Variants in BBS10 observed in about 807,000 individuals in gnomAD.
BBS10 encodes BBSome complex assembly protein BBS10.
BBS10 carries 13 observed loss-of-function variants against 12.7 expected under a neutral mutation model. That is an observed-to-expected ratio of 1.03 (90% CI 0.67 to 1.63). BBS10 has a LOEUF of 1.63. Among genes scored for constraint, BBS10 ranks in the 40% most tolerant of loss-of-function variants. The probability of loss-of-function intolerance (pLI) is 0.00; values close to 1 mark genes in which losing one functional copy is unlikely to be tolerated. For synonymous variants in BBS10, 294 were observed against 304.8 expected (o/e 0.96, Z 0.37); for missense variants, 858 against 858.0 (o/e 1.00, Z 0.00).
In BBS10 at chr12:76,348,216, C is replaced by T; in HGVS notation, c.143G>A (p.Ser48Asn). Reference sequence around the variant, plus strand: ...CTCCAGGAGGCGGCCTCCATTCCGGCTGAGAAGCACCTCGCCAGTGGGCTT... The same window carrying T: ...CTCCAGGAGGCGGCCTCCATTCCGGTTGAGAAGCACCTCGCCAGTGGGCTT... ...CTKPTGEVLLSRNGGRLLEAL... is the reference protein window; with the variant it reads ...CTKPTGEVLLNRNGGRLLEAL... The change falls in exon 1 of 2, where the codon AGC becomes AAC. Residue 48 changes from serine to asparagine, a missense_variant. Coordinates refer to ENST00000650064, the MANE Select transcript of BBS10 (RefSeq NM_024685.4). 1 of 1,613,690 alleles carries T rather than the reference C, an allele frequency of 6.2e-7. No individual in the cohort carries two copies. The highest frequency in any genetic ancestry group is 8.5e-7 in the Non-Finnish European group (1 of 1,179,650).
At position 76,347,375 on chromosome 12, in the gene BBS10, A is replaced by T. The variant is rs1592492542; in HGVS notation, c.610T>A (p.Cys204Ser). The T allele has an allele frequency of 6.2e-7, 1 of 1,614,086 alleles. No homozygotes were observed. Among genetic ancestry groups the T allele is most frequent in the Non-Finnish European group, 8.5e-7 (1 of 1,180,022 alleles). ...TCAAATACACCAATCCCACTTTTAC[A>T]AGTCATACACTTGAAAAAGTAGTCA... ...MCDYFFKCMTCKSGIGVFELV... is the reference protein window; with the variant it reads ...MCDYFFKCMTSKSGIGVFELV... Residue 204 changes from cysteine (C) to serine (S), a missense_variant, in exon 2 of 2, where the codon TGT becomes AGT. Coordinates refer to ENST00000650064, the MANE Select transcript of BBS10 (RefSeq NM_024685.4).
At position 76,347,303 on chromosome 12, in the gene BBS10, G is replaced by A. The variant is rs2136090935; in HGVS notation, c.682C>T (p.Leu228Phe). 1.2e-6 allele frequency: 2 copies of A among 1,613,928 alleles called. No individual in the cohort carries two copies. Among genetic ancestry groups the A allele is most frequent in the East Asian group, 4.5e-5 (2 of 44,866 alleles). ...ATGATCCTGGAATCTGAAACAGGAA[G>A]GCCAGTGACACCAACATTCAACTCT... Reference protein sequence around the residue: ...FVELNVGVTGLPVSDSRIIAG... With the variant: ...FVELNVGVTGFPVSDSRIIAG... Residue 228 changes from leucine to phenylalanine, a missense_variant, in exon 2 of 2, where the codon CTT (leucine) becomes TTT (phenylalanine). Leu to Phe is a conservative substitution (Grantham distance 22, BLOSUM62 0). Coordinates refer to ENST00000650064, the MANE Select transcript of BBS10 (RefSeq NM_024685.4).
In BBS10 at chr12:76,346,865, G is replaced by A; in HGVS notation, c.1120C>T (p.Leu374Phe). The change falls in exon 2 of 2, where the codon CTT (leucine) becomes TTT (phenylalanine). Residue 374 changes from leucine (L) to phenylalanine (F), a missense_variant. Transcript: ENST00000650064. ...NTALVKFCKP[L>F]ILRSKRYVHL... ...ACATATCTTTTGGATCTAAGGATAAGAGGTTTACAAAATTTCACCAAAGCA... is the reference window on the plus strand; with the variant it reads ...ACATATCTTTTGGATCTAAGGATAAAAGGTTTACAAAATTTCACCAAAGCA... 1 of 1,613,876 alleles carries A rather than the reference G, an allele frequency of 6.2e-7. No homozygotes were observed. Among genetic ancestry groups the A allele is most frequent in the Non-Finnish European group, 8.5e-7 (1 of 1,179,982 alleles).
rs1443052943 is a variant in BBS10, at chr12:76,346,506, C to T, written c.1479G>A (p.Leu493=). The T allele has an allele frequency of 6.2e-7, 1 of 1,613,792 alleles. No individual in the cohort carries two copies. Among genetic ancestry groups the T allele is most frequent in the Non-Finnish European group, 8.5e-7 (1 of 1,179,752 alleles). ...TTTCTAATTCTACATCTGGAATTAC[C>T]AAATTAGAATGTACTTTTAAATATG... ...TQTYLKVHSN[L]VIPDVELETY... The change falls in exon 2 of 2, where the codon TTG becomes TTA. Residue 493 remains leucine, a synonymous_variant. Coordinates refer to ENST00000650064, the MANE Select transcript of BBS10 (RefSeq NM_024685.4).
Position 76,346,587 on chromosome 12 carries a change from T to C in BBS10, c.1398A>G (p.Gln466=), listed in dbSNP as rs1217617846. 6.2e-7 allele frequency: 1 copy of C among 1,614,168 alleles called. No homozygotes were observed. Among genetic ancestry groups the C allele is most frequent in the South Asian group, 1.1e-5 (1 of 91,082 alleles). The part of the protein sequence containing the change: ...QAPDPGNGSI[Q]RPYQDTVAEN... ...CTGCAACTGTGTCCTGATAAGGCCT[T>C]TGTATTGAGCCATTACCAGGATCTG... The change falls in exon 2 of 2, where the codon CAA becomes CAG. Residue 466 remains glutamine (Q), a synonymous_variant. Transcript: ENST00000650064.
chr12:76,347,668 T>C lies in BBS10; in HGVS notation c.317A>G (p.Asp106Gly), dbSNP rs113821285. ...GLHAITDREK[D>G]PLMCENIQTH... ...TTGAATGTTTTCACACATCAAAGGA[T>C]CCTTTTCTCTGTCTGTGATTGCATG... The change falls in exon 2 of 2, where the codon GAT becomes GGT. Residue 106 changes from aspartate to glycine, a missense_variant. Asp to Gly is a moderately conservative substitution (Grantham distance 94). Transcript: ENST00000650064. 6.2e-7 allele frequency: 1 copy of C among 1,613,526 alleles called. No individual in the cohort carries two copies. Among genetic ancestry groups the C allele is most frequent in the African/African-American group, 1.3e-5 (1 of 75,000 alleles).
Position 76,348,333 on chromosome 12 carries a change from C to A in BBS10, c.26G>T (p.Gly9Val). The change falls in exon 1 of 2, where the codon GGG becomes GTG. Residue 9 changes from glycine (G) to valine (V), a missense_variant. By Grantham distance (109) the Gly-to-Val change is moderately radical. Coordinates refer to ENST00000650064, the MANE Select transcript of BBS10 (RefSeq NM_024685.4). ...CACCTGCAACGCCGCCTTCACAGACCCTGCAGCGGCCATAGAACTTAACAT... is the reference window on the plus strand; with the variant it reads ...CACCTGCAACGCCGCCTTCACAGACACTGCAGCGGCCATAGAACTTAACAT... MLSSMAAA[G>V]SVKAALQVAE... The A allele has an allele frequency of 6.2e-7, 1 of 1,602,866 alleles. No individual in the cohort carries two copies. Among genetic ancestry groups the A allele is most frequent in the Middle Eastern group, 1.7e-4 (1 of 6,014 alleles).
At position 76,347,733 on chromosome 12, in the gene BBS10, T is replaced by C. The variant is rs1221870583; in HGVS notation, c.252A>G (p.Lys84=). ...SHLKKTGDGA[K]TFIIFLCHLL... ...AATGGCAAAGAAAGATAATAAATGTTTTTGCACCATCTCCTGTTTTTTTGA... is the reference window on the plus strand; with the variant it reads ...AATGGCAAAGAAAGATAATAAATGTCTTTGCACCATCTCCTGTTTTTTTGA... Residue 84 remains lysine, a synonymous_variant, in exon 2 of 2, where the codon AAA becomes AAG. Coordinates refer to ENST00000650064, the MANE Select transcript of BBS10 (RefSeq NM_024685.4). The C allele has an allele frequency of 8.7e-6, 14 of 1,607,454 alleles. No homozygotes were observed. Among genetic ancestry groups the C allele is most frequent in the Non-Finnish European group, 1.2e-5 (14 of 1,179,830 alleles).
In BBS10 at chr12:76,345,917, A is replaced by C. The variant is rs1238112396; in HGVS notation, c.2068T>G (p.Ser690Ala). Residue 690 changes from serine (S) to alanine (A), a missense_variant, in exon 2 of 2, where the codon TCA becomes GCA. Ser to Ala is a moderately conservative substitution (Grantham distance 99, BLOSUM62 1). Transcript: ENST00000650064. ...SVMGKYQLLT[S>A]VLQCLTKILT... is the part of the protein sequence containing the mutation. ...ATTTTTGTCAAACACTGAAGAACTG[A>C]AGTTAGTAGCTGGTATTTACCCATT... is the stretch of plus-strand genomic sequence containing the variant. 1.2e-6 allele frequency: 2 copies of C among 1,614,008 alleles called. No homozygotes were observed. The highest frequency in any genetic ancestry group is 2.2e-5 in the South Asian group (2 of 91,084).
chr12:76,348,088 T>C, intron 1 of BBS10, 74 bp downstream of exon 1: 2 of 1,503,758 alleles, frequency 1.3e-6, no homozygotes, highest in Non-Finnish European at 1.8e-6. Context: ...ACGCATCGCC[T>C]CAGGATGGGA....
Position 76,348,360 on chromosome 12 carries a change from T to C in BBS10, c.-2A>G, listed in dbSNP as rs372599993. On this transcript the variant is annotated 5_prime_UTR_variant, in exon 1 of 2. Coordinates refer to ENST00000650064, the MANE Select transcript of BBS10 (RefSeq NM_024685.4). ...TGCAGCGGCCATAGAACTTAACATATCTGGGCCGCTTCCCCTTTTTGACCA... is the reference window on the plus strand; with the variant it reads ...TGCAGCGGCCATAGAACTTAACATACCTGGGCCGCTTCCCCTTTTTGACCA... 1.1e-5 allele frequency: 18 copies of C among 1,576,714 alleles called. No homozygotes were observed. The highest frequency in any genetic ancestry group is 2.7e-5 in the African/African-American group (2 of 73,866).
rs747390360 is a variant in BBS10 at position 76,346,944 on chromosome 12, A to G, written c.1041T>C (p.Gly347=). Residue 347 remains glycine, a synonymous_variant, in exon 2 of 2, where the codon GGT becomes GGC. Coordinates refer to ENST00000650064, the MANE Select transcript of BBS10 (RefSeq NM_024685.4). ...CCTGTGGTGGTACAAATGGAGAAAG[A>G]CCAATGATCCTCCGGATAAGAGAAA... The part of the protein sequence containing the change: ...EEVSLIRRII[G]LSPFVPPQAF... 107 of 1,611,228 alleles carry G rather than the reference A, an allele frequency of 6.6e-5. No homozygotes were observed. The highest frequency in any genetic ancestry group is 8.9e-5 in the Non-Finnish European group (105 of 1,180,000).
At chr12:76,347,892 T>C in intron 1 of BBS10, 105 bp from the exon 2 acceptor site, 1 of 1,275,884 alleles carries the variant, frequency 7.8e-7, no homozygotes, top group Non-Finnish European at 1.1e-6. Context: ...TATTGTTCCT[T>C]GGATACATCC....
In BBS10 at chr12:76,348,364, G is replaced by C. The variant is rs756938061; in HGVS notation, c.-6C>G. ...GCGGCCATAGAACTTAACATATCTG[G>C]GCCGCTTCCCCTTTTTGACCAGCTT... is the stretch of plus-strand genomic sequence containing the variant. On this transcript the variant is annotated 5_prime_UTR_variant, in exon 1 of 2. Coordinates refer to ENST00000650064, the MANE Select transcript of BBS10 (RefSeq NM_024685.4). 17 of 1,573,912 alleles carry C rather than the reference G, an allele frequency of 1.1e-5. 1 individual carries two copies. The South Asian group carries it at 1.8e-4, about 17-fold the overall frequency.
At position 76,346,996 on chromosome 12, in the gene BBS10, A is replaced by G; in HGVS notation, c.989T>C (p.Val330Ala). 3.1e-6 allele frequency: 5 copies of G among 1,611,778 alleles called. No homozygotes were observed. The highest frequency in any genetic ancestry group is 4.2e-6 in the Non-Finnish European group (5 of 1,179,972). The change falls in exon 2 of 2, where the codon GTG becomes GCG. Residue 330 changes from valine (V) to alanine (A), a missense_variant. Coordinates refer to ENST00000650064, the MANE Select transcript of BBS10 (RefSeq NM_024685.4). ...SYYAGVNGIS[V>A]VECLSSEEVS... ...TTCTTCTGATGATAAACACTCAACC[A>G]CTGATATGCCATTCACCCCTGCATA...
At position 76,346,945 on chromosome 12, in the gene BBS10, C is replaced by A; in HGVS notation, c.1040G>T (p.Gly347Val). 6.2e-7 allele frequency: 1 copy of A among 1,611,214 alleles called. No homozygotes were observed. ...EEVSLIRRII[G>V]LSPFVPPQAF... ...CTGTGGTGGTACAAATGGAGAAAGA[C>A]CAATGATCCTCCGGATAAGAGAAAC... Residue 347 changes from glycine (G) to valine (V), a missense_variant, in exon 2 of 2, where the codon GGT becomes GTT. Transcript: ENST00000650064.
At position 76,344,736 on chromosome 12, in the gene BBS10, G is replaced by T. The variant is rs1951747109; in HGVS notation, c.*1077C>A. 6.6e-6 allele frequency: 1 copy of T among 152,058 alleles called. No homozygotes were observed. Among genetic ancestry groups the T allele is most frequent in the Non-Finnish European group, 1.5e-5 (1 of 67,984 alleles). The allele number at this position is 152,058 out of a possible 1,614,324, so 9.4% of individuals were successfully genotyped here. On this transcript the variant is annotated 3_prime_UTR_variant, in exon 2 of 2. Transcript: ENST00000650064. ...GTAAACTGGAAACATGTATTTAAAG[G>T]AATGAATTAAAGATAACACTGTTTT...
chr12:76,346,148 A>G lies in BBS10; in HGVS notation c.1837T>C (p.Tyr613His), dbSNP rs141647931. 75 of 1,610,418 alleles carry G rather than the reference A, an allele frequency of 4.7e-5. No individual in the cohort carries two copies. Among genetic ancestry groups the G allele is most frequent in the Admixed American group, 2.2e-4 (13 of 59,492 alleles). Residue 613 changes from tyrosine to histidine, a missense_variant, in exon 2 of 2, where the codon TAT becomes CAT. Physicochemically the swap from Tyr to His is moderately conservative, Grantham distance 83. Coordinates refer to ENST00000650064, the MANE Select transcript of BBS10 (RefSeq NM_024685.4). ...GGNFEILLHY[Y>H]LLNYAKKCHQ... The stretch of plus-strand genomic sequence containing the variant: ...CATTTTTTGGCATAATTGAGAAGAT[A>G]GTAATGTAACAAGATCTCAAAATTA...
At position 76,344,825 on chromosome 12, in the gene BBS10, T is replaced by G. The variant is rs901410812; in HGVS notation, c.*988A>C. On this transcript the variant is annotated 3_prime_UTR_variant, in exon 2 of 2. Coordinates refer to ENST00000650064, the MANE Select transcript of BBS10 (RefSeq NM_024685.4). ...CACTGTTTTGGGTATTACAGAGAAC[T>G]GATAAAGGTAGAAAACACTGTCCTT... The G allele has an allele frequency of 3.3e-5, 5 of 152,144 alleles. No homozygotes were observed. The highest frequency in any genetic ancestry group is 1.2e-4 in the African/African-American group (5 of 41,450). The allele number at this position is 152,144 out of a possible 1,614,324, so 9.4% of individuals were successfully genotyped here. A position where few individuals can be genotyped will look rare whatever the true frequency, so the allele number is the denominator to read the frequency against.
Sources: gnomAD v4.1 joint callset for allele counts on GRCh38, gnomAD v4.1.1 for gene constraint, MANE v1.5 for transcripts, NCBI Gene and HGNC (gene_info 2026-07-23, HGNC 2026-07-21) for gene names.